JAZF1: variants seen among roughly 807,000 people sequenced by gnomAD.
JAZF1 encodes the protein juxtaposed with another zinc finger protein 1.
Under a neutral mutation model 26.4 loss-of-function variants are expected in JAZF1, and 8 were observed. The observed-to-expected ratio is 0.30, with a 90% CI of 0.18 to 0.55. The LOEUF is 0.55. JAZF1 is among the 20% of genes least tolerant of loss of function. JAZF1 has a pLI of 0.94. For missense variants in JAZF1, 199 were observed against 322.0 expected, an observed-to-expected ratio of 0.62 and a Z score of 2.92; for synonymous variants, 126 against 122.3, an observed-to-expected ratio of 1.03 and a Z score of -0.20.
intron 1 of JAZF1, among the ~76,000 whole-genome samples, chr7:28,084,575 G>A (rs906581586): frequency 6.6e-6 from 1 of 152,150 alleles, no homozygotes; most frequent in Non-Finnish European, 1.5e-5. Context: ...AAAAGTGTAT[G>A]GGTTCTTTTA....
intron 1 of JAZF1, among the ~76,000 whole-genome samples, chr7:28,177,514 C>A (rs1418918679): frequency 6.6e-6 from 1 of 152,238 alleles, no homozygotes; most frequent in South Asian, 2.1e-4. Flanking sequence ...TTCATTTTAT[C>A]GCTGTTTAAG....
At chr7:27,940,492 C>T (rs528342417) in intron 2 of JAZF1, among the ~76,000 whole-genome samples, 20 of 152,274 alleles carry the variant, frequency 1.3e-4, no homozygotes, top group South Asian at 1.2e-3. Flanking sequence ...GCAGTCAGCC[C>T]GCATGGTTTC....
chr7:28,161,917 TA>T (rs1285448036), intron 1 of JAZF1, among the ~76,000 whole-genome samples: 1 of 152,120 alleles, frequency 6.6e-6, no homozygotes, highest in African/African-American at 2.4e-5. Flanking sequence ...AAAATCCAAA[TA>T]ATATATAGTA....
At chr7:27,874,794 G>C (rs1240014360) in intron 3 of JAZF1, among the ~76,000 whole-genome samples, 1 of 152,176 alleles carries the variant, frequency 6.6e-6, no homozygotes, top group East Asian at 1.9e-4. Flanking sequence ...GCACTGCCTT[G>C]GGCCCTGGGT....
intron 1 of JAZF1, among the ~76,000 whole-genome samples, chr7:28,057,587 T>C (rs1312000802): frequency 6.6e-6 from 1 of 152,222 alleles, no homozygotes; most frequent in Admixed American, 6.5e-5. Context: ...GTAAAGAGAA[T>C]GTTATAATGA....
chr7:28,083,093 T>G (rs909014772), intron 1 of JAZF1, among the ~76,000 whole-genome samples: 3 of 152,198 alleles, frequency 2.0e-5, no homozygotes, highest in African/African-American at 7.2e-5. Flanking sequence ...CCCCTCTACC[T>G]GGCTGGGGCC....
intron 1 of JAZF1, among the ~76,000 whole-genome samples, chr7:28,021,602 G>A (rs1783008535): frequency 6.6e-6 from 1 of 152,198 alleles, no homozygotes; most frequent in African/African-American, 2.4e-5. Context: ...AGACAGTGTG[G>A]ACGTAGGACA....
chr7:27,913,948 T>C (rs916539285), intron 2 of JAZF1, among the ~76,000 whole-genome samples: 7 of 151,354 alleles, frequency 4.6e-5, no homozygotes, highest in Non-Finnish European at 5.9e-5. Context: ...GGGGGTTTCA[T>C]TGATGTGTTT....
chr7:28,176,627 G>A (rs1490700735), intron 1 of JAZF1, among the ~76,000 whole-genome samples: 2 of 152,096 alleles, frequency 1.3e-5, no homozygotes, highest in Non-Finnish European at 2.9e-5. Flanking sequence ...ACTTCCTAAA[G>A]AGTGATATTT....
rs142332476 is a variant in JAZF1 at position 28,070,463 on chromosome 7, A to G, written c.116-78482T>C. 3.1e-3 allele frequency among the ~76,000 whole-genome samples: 470 copies of G among 152,368 alleles called. 4 individuals are homozygous for G. The highest frequency in any genetic ancestry group is 0.011 in the African/African-American group (455 of 41,596). On this transcript the variant is annotated intron_variant, in intron 1 of 4. Coordinates refer to ENST00000283928, the MANE Select transcript of JAZF1 (RefSeq NM_175061.4). ...TTTTGTGAAATATGAGCTTTGGCTA[A>G]GCACATGTTTTTAAAACTATTTGGA...
intron 2 of JAZF1, among the ~76,000 whole-genome samples, chr7:27,938,744 T>G (rs1014404341): frequency 7.2e-5 from 11 of 152,008 alleles, no homozygotes; most frequent in Non-Finnish European, 1.3e-4. Context: ...TGATTATGGC[T>G]CACTGCAACC....
At chr7:27,850,200 T>C (rs1390658936) in intron 3 of JAZF1, among the ~76,000 whole-genome samples, 1 of 152,208 alleles carries the variant, frequency 6.6e-6, no homozygotes, top group Non-Finnish European at 1.5e-5. Flanking sequence ...GATTTATCAT[T>C]ATAAATTAGC....
In JAZF1 at chr7:27,951,172, T is replaced by C. The variant is rs549677998; in HGVS notation, c.188+40737A>G. On this transcript the variant is annotated intron_variant, in intron 2 of 4. Transcript: ENST00000283928. ...ATAGTAAGGACTCAATAAAAGGTTG[T>C]TATAATTAAGCTTATCACTCCTATT... Among the ~76,000 whole-genome samples the C allele has an allele frequency of 1.5e-3, 225 of 152,264 alleles. 1 individual carries two copies. The highest frequency in any genetic ancestry group is 5.2e-3 in the African/African-American group (218 of 41,544).
intron 2 of JAZF1, among the ~76,000 whole-genome samples, chr7:27,979,206 A>G (rs1785530893): frequency 6.6e-6 from 1 of 152,026 alleles, no homozygotes; most frequent in Non-Finnish European, 1.5e-5. Flanking sequence ...AAAGGTGCCA[A>G]TTTGTGCCTA....
intron 3 of JAZF1, among the ~76,000 whole-genome samples, chr7:27,880,262 A>G (rs1398710883): frequency 6.6e-6 from 1 of 152,198 alleles, no homozygotes; most frequent in African/African-American, 2.4e-5. Context: ...GAAAGCAAAA[A>G]AGGGAAGGAA....
intron 1 of JAZF1, among the ~76,000 whole-genome samples, chr7:28,049,072 C>CCTCTCTCTCTCTCTCT (rs1182638919): frequency 5.9e-4 from 67 of 113,592 alleles, no homozygotes; most frequent in African/African-American, 2.5e-3. Flanking sequence ...TCCCTCCCTT[C>CCTCTCTCTCTCTCTCT]CTCTCTCTCT....
intron 3 of JAZF1, among the ~76,000 whole-genome samples, chr7:27,875,734 C>A (rs1783667572): frequency 6.6e-6 from 1 of 152,230 alleles, no homozygotes; most frequent in African/African-American, 2.4e-5. Flanking sequence ...TGTCTCCCCA[C>A]TAGTCTCTGG....
intron 1 of JAZF1, among the ~76,000 whole-genome samples, chr7:28,146,863 TG>T (rs1783036251): frequency 4.0e-5 from 6 of 151,452 alleles, no homozygotes; most frequent in Non-Finnish European, 5.9e-5. Flanking sequence ...GGTTTTTTTT[TG>T]TTTTTTTTTT....
intron 2 of JAZF1, among the ~76,000 whole-genome samples, chr7:27,898,593 CTTG>C (rs1738853194): frequency 6.6e-6 from 1 of 152,034 alleles, no homozygotes; most frequent in African/African-American, 2.4e-5. Context: ...ACTCATACCT[CTTG>C]TTGTAAAATA....
Sources: gnomAD v4.1 joint callset for allele counts (sites outside exome capture counted in the v4.1 genomes callset) on GRCh38, gnomAD v4.1.1 for gene constraint, MANE v1.5 for transcripts, NCBI Gene and HGNC (gene_info 2026-07-23, HGNC 2026-07-21) for gene names.